The following NKX1-2 variants were observed in gnomAD, a reference collection of about 807,000 sequenced individuals.
The protein encoded by NKX1-2 is NK1 homeobox 2, also known as NK1 transcription factor-related protein 2.
Under a neutral mutation model 4.4 loss-of-function variants are expected in NKX1-2, and 1 was observed. The observed-to-expected ratio is 0.23, with a 90% CI of 0.08 to 1.08. The LOEUF (loss-of-function observed/expected upper bound fraction) is 1.08. NKX1-2 is among the 50% of genes least tolerant of loss of function. The probability of loss-of-function intolerance (pLI) is 0.55; values close to 1 mark genes in which losing one functional copy is unlikely to be tolerated. For missense variants in NKX1-2, 503 were observed against 464.6 expected (o/e 1.08, Z -0.76); for synonymous variants, 235 against 228.0 (o/e 1.03, Z -0.28).
At position 124,449,888 on chromosome 10, in the gene NKX1-2, G is replaced by C. The variant is rs1458848421; in HGVS notation, c.56C>G (p.Ser19Cys). 1.9e-6 allele frequency: 3 copies of C among 1,550,890 alleles called. No homozygotes were observed. The highest frequency in any genetic ancestry group is 1.2e-5 in the South Asian group (1 of 84,054). ...GTCCAGGATGTCCAGGACAGAGAAAGAAATCTTGTGGTGGGAGGGAGCCGC... is the reference window on the plus strand; with the variant it reads ...GTCCAGGATGTCCAGGACAGAGAAACAAATCTTGTGGTGGGAGGGAGCCGC... ...AKAAPSHHKISFSVLDILDPQ... is the reference protein window; with the variant it reads ...AKAAPSHHKICFSVLDILDPQ... The change falls in exon 1 of 2, where the codon TCT (serine) becomes TGT (cysteine). Residue 19 changes from serine to cysteine, a missense_variant. Ser to Cys is a moderately radical substitution (Grantham distance 112, BLOSUM62 -1). Coordinates refer to ENST00000451024, the MANE Select transcript of NKX1-2 (RefSeq NM_001146340.3). This position sits in a 1 kb window ranked among gnomAD's most constrained non-coding sequence, Gnocchi z 7.5.
chr10:124,449,951 G>A lies in NKX1-2; in HGVS notation c.-8C>T, dbSNP rs1952280487. ...GTCCTGCCATGCCAGCATGCCCGTC[G>A]CCCACGGGCCGGCGGTCGGCGGCGC... On this transcript the variant is annotated 5_prime_UTR_variant, in exon 1 of 2. Transcript: ENST00000451024. This position sits in a 1 kb window ranked among gnomAD's most constrained non-coding sequence, Gnocchi z 7.5. 5.9e-6 allele frequency: 9 copies of A among 1,525,752 alleles called. No individual in the cohort carries two copies. The East Asian group carries it at 2.0e-4, about 34-fold the overall frequency. 94.5% of individuals were successfully genotyped at this position (1,525,752 alleles called of 1,614,324 possible).
In NKX1-2 at chr10:124,447,503, C is replaced by T. The variant is rs2133791037; in HGVS notation, c.859G>A (p.Ala287Thr). Residue 287 changes from alanine to threonine, a missense_variant, in exon 2 of 2, where the codon GCC (alanine) becomes ACC (threonine). By Grantham distance (58) the Ala-to-Thr change is moderately conservative (BLOSUM62 0). Coordinates refer to ENST00000451024, the MANE Select transcript of NKX1-2 (RefSeq NM_001146340.3). ...PSAASFPLTAAAPGSPFAPFL... is the reference protein window; with the variant it reads ...PSAASFPLTATAPGSPFAPFL... ...GGCGCGAAAGGGCTCCCGGGGGCGG[C>T]AGCCGTCAGCGGGAAGGAGGCGGCG... 1 of 1,272,296 alleles carries T rather than the reference C, an allele frequency of 7.9e-7. No individual in the cohort carries two copies. The highest frequency in any genetic ancestry group is 3.1e-5 in the East Asian group (1 of 32,248). 78.8% of individuals were successfully genotyped at this position (1,272,296 alleles called of 1,614,324 possible). A position where few individuals can be genotyped will look rare whatever the true frequency, so the allele number is the denominator to read the frequency against.
rs1282153980 is a variant in NKX1-2 at position 124,447,400 on chromosome 10, C to T, written c.*29G>A. ...GACGATGCCAATCCCTCGTGAATCC[C>T]GCGAAAGAGGGGCCAGGGGGCTCCG... On this transcript the variant is annotated 3_prime_UTR_variant, in exon 2 of 2. Transcript: ENST00000451024. The T allele has an allele frequency of 2.2e-5, 27 of 1,238,084 alleles. No homozygotes were observed. The highest frequency in any genetic ancestry group is 2.1e-5 in the Non-Finnish European group (21 of 979,204). The allele number at this position is 1,238,084 out of a possible 1,614,324, so 76.7% of individuals were successfully genotyped here. A position where few individuals can be genotyped will look rare whatever the true frequency, so the allele number is the denominator to read the frequency against.
chr10:124,447,766 G>A lies in NKX1-2; in HGVS notation c.596C>T (p.Ser199Phe). ...GACCTGCGTCTCGGTGAGGCTGAGA[G>A]ACAGCGCGAGGTTCAGGCGCTCGCA... ...SVCERLNLAL[S>F]LSLTETQVKI... Residue 199 changes from serine to phenylalanine, a missense_variant, in exon 2 of 2, where the codon TCT becomes TTT. Transcript: ENST00000451024. The A allele has an allele frequency of 6.7e-7, 1 of 1,482,416 alleles. No individual in the cohort carries two copies. The highest frequency in any genetic ancestry group is 9.0e-7 in the Non-Finnish European group (1 of 1,110,170). The allele number at this position is 1,482,416 out of a possible 1,614,324, so 91.8% of individuals were successfully genotyped here. A position where few individuals can be genotyped will look rare whatever the true frequency, so the allele number is the denominator to read the frequency against.
rs1306952268 is a variant in NKX1-2, at chr10:124,449,522, C to A, written c.214+208G>T. 2 of 699,020 alleles carry A rather than the reference C, an allele frequency of 2.9e-6. No homozygotes were observed. Among genetic ancestry groups the A allele is most frequent in the South Asian group, 3.0e-5 (2 of 66,734 alleles). 43.3% of individuals were successfully genotyped at this position (699,020 alleles called of 1,614,324 possible). The stretch of plus-strand genomic sequence containing the variant: ...TGAGCTTGGCGGGTGAGCAGGGATG[C>A]GGCAAATCCCTGCCCTGTAATGCGG... On this transcript the variant is annotated intron_variant, in intron 1 of 1. Transcript: ENST00000451024. The surrounding 1 kb of genome is among the most constrained non-coding windows in gnomAD (Gnocchi z 7.5).
In NKX1-2 at chr10:124,450,010, C is replaced by T; in HGVS notation, c.-67G>A. ...GGATGGCGCCGCTCGGGCTTGCCTT[C>T]GGCTGTGGCTTGGCGGTAGCTTTCC... On this transcript the variant is annotated 5_prime_UTR_variant, in exon 1 of 2. Transcript: ENST00000451024. 8.1e-6 allele frequency: 9 copies of T among 1,109,212 alleles called. No homozygotes were observed. Among genetic ancestry groups the T allele is most frequent in the Non-Finnish European group, 1.1e-5 (9 of 844,034 alleles). 68.7% of individuals were successfully genotyped at this position (1,109,212 alleles called of 1,614,324 possible).
In NKX1-2 at chr10:124,447,984, C is replaced by T. The variant is rs1388675350; in HGVS notation, c.378G>A (p.Ala126=). ...RSPDAPAGAL[A]SGEPCEDGGG... ...CGCCGTCCTCGCAGGGCTCCCCAGA[C>T]GCCAATGCCCCGGCCGGGGCGTCAG... The change falls in exon 2 of 2, where the codon GCG becomes GCA. Residue 126 remains alanine, a synonymous_variant. Transcript: ENST00000451024. The T allele has an allele frequency of 4.1e-6, 6 of 1,476,672 alleles. No individual in the cohort carries two copies. The highest frequency in any genetic ancestry group is 5.4e-6 in the Non-Finnish European group (6 of 1,120,500). The allele number at this position is 1,476,672 out of a possible 1,614,324, so 91.5% of individuals were successfully genotyped here.
At position 124,445,697 on chromosome 10, in the gene NKX1-2, T is replaced by C. The variant is rs1952232092; in HGVS notation, c.*1732A>G. 1 of 152,234 alleles carries C rather than the reference T, an allele frequency of 6.6e-6. No homozygotes were observed. The highest frequency in any genetic ancestry group is 2.4e-5 in the African/African-American group (1 of 41,460). The allele number at this position is 152,234 out of a possible 1,614,324, so 9.4% of individuals were successfully genotyped here. On this transcript the variant is annotated 3_prime_UTR_variant, in exon 2 of 2. Transcript: ENST00000451024. ...TTTTAATCTCATCTGGCACCAACTG[T>C]CTTTTAGAAAGTTACAATGTGTTGT... is the stretch of plus-strand genomic sequence containing the variant.
rs1325865907 is a variant in NKX1-2, at chr10:124,448,515, C to T, written c.215-368G>A. 5.7e-6 allele frequency: 1 copy of T among 175,556 alleles called. No homozygotes were observed. Among genetic ancestry groups the T allele is most frequent in the African/African-American group, 2.4e-5 (1 of 41,430 alleles). 10.9% of individuals were successfully genotyped at this position (175,556 alleles called of 1,614,324 possible). ...CTGTGCCTTCCCCAGACCCTAGAAG[C>T]CTATTTTGATCTAGGACTCCCAGCA... On this transcript the variant is annotated intron_variant, in intron 1 of 1. Transcript: ENST00000451024. This position sits in a 1 kb window ranked among gnomAD's most constrained non-coding sequence, Gnocchi z 4.1.
Position 124,447,310 on chromosome 10 carries a change from G to T in NKX1-2, c.*119C>A, listed in dbSNP as rs1414818512. The T allele has an allele frequency of 5.4e-6, 3 of 556,492 alleles. No homozygotes were observed. The highest frequency in any genetic ancestry group is 7.8e-6 in the Non-Finnish European group (3 of 385,766). The allele number at this position is 556,492 out of a possible 1,614,324, so 34.5% of individuals were successfully genotyped here. On this transcript the variant is annotated 3_prime_UTR_variant, in exon 2 of 2. Coordinates refer to ENST00000451024, the MANE Select transcript of NKX1-2 (RefSeq NM_001146340.3). ...TGGCCCGCGAGGATCGCGGGTGCGC[G>T]CGGCGGGCAGGGGTGCGCTGACACC...
rs1423805161 is a variant in NKX1-2, at chr10:124,449,565, T to A, written c.214+165A>T. On this transcript the variant is annotated intron_variant, in intron 1 of 1. Transcript: ENST00000451024. The surrounding 1 kb of genome is among the most constrained non-coding windows in gnomAD (Gnocchi z 7.5). ...TAATGCGGGGAGCCTCCTCTCTGCC[T>A]CTATCCAAGTCCGAGGCGGGGGCTA... 2 of 708,280 alleles carry A rather than the reference T, an allele frequency of 2.8e-6. No homozygotes were observed. The highest frequency in any genetic ancestry group is 2.7e-5 in the East Asian group (1 of 37,254). The allele number at this position is 708,280 out of a possible 1,614,324, so 43.9% of individuals were successfully genotyped here.
In NKX1-2 at chr10:124,447,726, C is replaced by G; in HGVS notation, c.636G>C (p.Gln212His). 1 of 1,471,220 alleles carries G rather than the reference C, an allele frequency of 6.8e-7. No individual in the cohort carries two copies. 91.1% of individuals were successfully genotyped at this position (1,471,220 alleles called of 1,614,324 possible). The change falls in exon 2 of 2, where the codon CAG becomes CAC. Residue 212 changes from glutamine (Q) to histidine (H), a missense_variant. Coordinates refer to ENST00000451024, the MANE Select transcript of NKX1-2 (RefSeq NM_001146340.3). ...GCTTCTTCCACTTGGTCCTGCGATT[C>G]TGGAACCAGATTTTGACCTGCGTCT... Reference protein sequence around the residue: ...LTETQVKIWFQNRRTKWKKQN... With the variant: ...LTETQVKIWFHNRRTKWKKQN...
Position 124,449,454 on chromosome 10 carries a change from G to A in NKX1-2, c.214+276C>T, listed in dbSNP as rs1192023668. The stretch of plus-strand genomic sequence containing the variant: ...AATGAGTAAGCCTGGCAAGACAGGC[G>A]CCAGGTAAGTTTCCACCGCGAGCAT... On this transcript the variant is annotated intron_variant, in intron 1 of 1. Transcript: ENST00000451024. This position sits in a 1 kb window ranked among gnomAD's most constrained non-coding sequence, Gnocchi z 7.5. 2 of 677,344 alleles carry A rather than the reference G, an allele frequency of 3.0e-6. No individual in the cohort carries two copies. The highest frequency in any genetic ancestry group is 5.4e-6 in the Non-Finnish European group (2 of 369,132). The allele number at this position is 677,344 out of a possible 1,614,324, so 42.0% of individuals were successfully genotyped here. A position where few individuals can be genotyped will look rare whatever the true frequency, so the allele number is the denominator to read the frequency against.
Position 124,447,303 on chromosome 10 carries a change from G to C in NKX1-2, c.*126C>G, listed in dbSNP as rs1952246988. On this transcript the variant is annotated 3_prime_UTR_variant, in exon 2 of 2. Coordinates refer to ENST00000451024, the MANE Select transcript of NKX1-2 (RefSeq NM_001146340.3). ...CCCTTGGTGGCCCGCGAGGATCGCG[G>C]GTGCGCGCGGCGGGCAGGGGTGCGC... The C allele has an allele frequency of 5.9e-6, 3 of 512,030 alleles. No homozygotes were observed. The South Asian group carries it at 3.1e-4, about 53-fold the overall frequency. The allele number at this position is 512,030 out of a possible 1,614,324, so 31.7% of individuals were successfully genotyped here.
chr10:124,448,899 G>T lies in NKX1-2; in HGVS notation c.215-752C>A, dbSNP rs1952270808. On this transcript the variant is annotated intron_variant, in intron 1 of 1. Coordinates refer to ENST00000451024, the MANE Select transcript of NKX1-2 (RefSeq NM_001146340.3). The surrounding 1 kb of genome is among the most constrained non-coding windows in gnomAD (Gnocchi z 4.1). ...AAGTGCGGCCGCCAGAGGCGCCCCGGGCCCCAGGCAATCACCGCCAAACTT... is the reference window on the plus strand; with the variant it reads ...AAGTGCGGCCGCCAGAGGCGCCCCGTGCCCCAGGCAATCACCGCCAAACTT... Among the ~76,000 whole-genome samples, 1 of 152,156 alleles carries T rather than the reference G, an allele frequency of 6.6e-6. No homozygotes were observed. Among genetic ancestry groups the T allele is most frequent in the Non-Finnish European group, 1.5e-5 (1 of 68,028 alleles).
rs1481170779 is a variant in NKX1-2 at position 124,446,007 on chromosome 10, A to G, written c.*1422T>C. 9 of 152,216 alleles carry G rather than the reference A, an allele frequency of 5.9e-5. No homozygotes were observed. 9.4% of individuals were successfully genotyped at this position (152,216 alleles called of 1,614,324 possible). Reference sequence around the variant, plus strand: ...CACAGGCTACCAAAAAATAGCAAGGAATATGGTATCCACACAGATCTCGGC... The same window carrying G: ...CACAGGCTACCAAAAAATAGCAAGGGATATGGTATCCACACAGATCTCGGC... On this transcript the variant is annotated 3_prime_UTR_variant, in exon 2 of 2. Coordinates refer to ENST00000451024, the MANE Select transcript of NKX1-2 (RefSeq NM_001146340.3).
Position 124,447,900 on chromosome 10 carries a change from C to T in NKX1-2, c.462G>A (p.Arg154=). 1 of 1,416,040 alleles carries T rather than the reference C, an allele frequency of 7.1e-7. No individual in the cohort carries two copies. The highest frequency in any genetic ancestry group is 9.3e-7 in the Non-Finnish European group (1 of 1,080,282). The allele number at this position is 1,416,040 out of a possible 1,614,324, so 87.7% of individuals were successfully genotyped here. Residue 154 remains arginine (R), a synonymous_variant, in exon 2 of 2, where the codon CGG becomes CGA. Transcript: ENST00000451024. ...GCTTGGCGCAGTTGGGCTCCAGGCG[C>T]CGGCGCCTGGGACGCGGGGAGCCGG... ...GSPGSPRPRR[R]RLEPNCAKPR... is the part of the protein sequence containing the mutation.
rs995513193 is a variant in NKX1-2 at position 124,449,368 on chromosome 10, A to G, written c.214+362T>C. The G allele has an allele frequency of 7.8e-6, 4 of 510,818 alleles. No homozygotes were observed. Among genetic ancestry groups the G allele is most frequent in the African/African-American group, 7.6e-5 (4 of 52,482 alleles). The allele number at this position is 510,818 out of a possible 1,614,324, so 31.6% of individuals were successfully genotyped here. A position where few individuals can be genotyped will look rare whatever the true frequency, so the allele number is the denominator to read the frequency against. ...TCTCTCAGGTTCCGAAGTTTTCATC[A>G]CCTTTATCCCAGCCCTTAGCCCAGG... On this transcript the variant is annotated intron_variant, in intron 1 of 1. Transcript: ENST00000451024. The surrounding 1 kb of genome is among the most constrained non-coding windows in gnomAD (Gnocchi z 7.5).
Position 124,449,811 on chromosome 10 carries a change from C to G in NKX1-2, c.133G>C (p.Glu45Gln). Residue 45 changes from glutamate (E) to glutamine (Q), a missense_variant, in exon 1 of 2, where the codon GAA becomes CAA. Physicochemically the swap from Glu to Gln is conservative, Grantham distance 29. Coordinates refer to ENST00000451024, the MANE Select transcript of NKX1-2 (RefSeq NM_001146340.3). The surrounding 1 kb of genome is among the most constrained non-coding windows in gnomAD (Gnocchi z 7.5). ...ALPAVRPAPR[E>Q]ARKSLAEVEA... The stretch of plus-strand genomic sequence containing the variant: ...ACCTCCGCCAAACTTTTCCTGGCTT[C>G]CCGGGGAGCCGGGCGCACGGCAGGG... 6.4e-7 allele frequency: 1 copy of G among 1,551,700 alleles called. No homozygotes were observed. The highest frequency in any genetic ancestry group is 8.7e-7 in the Non-Finnish European group (1 of 1,146,982).
Sources: allele counts gnomAD v4.1 joint callset (sites outside exome capture counted in the v4.1 genomes callset), GRCh38; gene constraint gnomAD v4.1.1; non-coding constraint Gnocchi (gnomAD v3.1); transcripts MANE v1.5; gene names NCBI Gene and HGNC (gene_info 2026-07-23, HGNC 2026-07-21).